The following AGMO variants were observed in gnomAD, a reference collection of about 807,000 sequenced individuals.
AGMO encodes the protein glyceryl-ether monooxygenase.
In AGMO, 75 loss-of-function variants were observed where a neutral mutation model predicts 60.2. The ratio of observed to expected loss-of-function variants is 1.25; its 90% CI spans 1.03 to 1.51. The LOEUF is 1.51. Ranked by LOEUF, AGMO falls within the 40% of genes most tolerant of loss-of-function variation. The probability of loss-of-function intolerance (pLI) is 0.00; values close to 1 mark genes in which losing one functional copy is unlikely to be tolerated. For missense variants in AGMO, 763 were observed against 525.5 expected (o/e 1.45, Z -4.42); for synonymous variants, 261 against 177.1 (o/e 1.47, Z -3.76).
intron 12 of AGMO, among the ~76,000 whole-genome samples, chr7:15,233,172 T>A (rs1476356883): frequency 6.6e-6 from 1 of 152,194 alleles, no homozygotes; most frequent in African/African-American, 2.4e-5. Context: ...TTAGTAGCCT[T>A]AAAAATCTAT....
At chr7:15,159,365 GAC>G in the AGMO span, among the ~76,000 whole-genome samples, 1 of 152,146 alleles carries the variant, frequency 6.6e-6, no homozygotes, top group Non-Finnish European at 1.5e-5. Context: ...AGTGGTAAAA[GAC>G]AGTGCAGAGA....
intron 3 of AGMO, among the ~76,000 whole-genome samples, chr7:15,516,810 A>G (rs1783818777): frequency 6.6e-6 from 1 of 151,476 alleles, no homozygotes; most frequent in African/African-American, 2.4e-5. Flanking sequence ...TCTGCAGGAT[A>G]TCGGTGAGTA....
At chr7:15,360,084 CATT>C (rs1453103998) in intron 12 of AGMO, among the ~76,000 whole-genome samples, 1 of 152,156 alleles carries the variant, frequency 6.6e-6, no homozygotes, top group African/African-American at 2.4e-5. Context: ...CATTTACAGA[CATT>C]ATTATAAGTA....
intron 3 of AGMO, among the ~76,000 whole-genome samples, chr7:15,539,456 G>A (rs771361304): frequency 7.5e-6 from 1 of 134,036 alleles, no homozygotes; most frequent in Admixed American, 8.4e-5. Context: ...CCATGTTGCT[G>A]CAAAGGACAT....
chr7:15,347,835 CTAAAT>C (rs1460777687), intron 12 of AGMO, among the ~76,000 whole-genome samples: 1 of 151,966 alleles, frequency 6.6e-6, no homozygotes, highest in Non-Finnish European at 1.5e-5. Context: ...TGATAAGGAA[CTAAAT>C]TAAATACAGT....
At chr7:15,212,320 G>C (rs1405160524) in intron 12 of AGMO, among the ~76,000 whole-genome samples, 1 of 150,430 alleles carries the variant, frequency 6.6e-6, no homozygotes, top group African/African-American at 2.4e-5. Flanking sequence ...AAGGTGAATG[G>C]TTGTATAAAA....
At chr7:15,146,256 T>C in the AGMO span, among the ~76,000 whole-genome samples, 2 of 152,296 alleles carry the variant, frequency 1.3e-5, no homozygotes, top group South Asian at 4.1e-4. Flanking sequence ...AAGGTTAATA[T>C]TTTCTTATTG....
At chr7:15,128,753 T>G in the AGMO span, among the ~76,000 whole-genome samples, 4 of 152,114 alleles carry the variant, frequency 2.6e-5, no homozygotes. Flanking sequence ...AAGTGTAATC[T>G]AAAATCTTAT....
chr7:15,451,000 A>G (rs1042229823), intron 3 of AGMO, among the ~76,000 whole-genome samples: 5 of 152,184 alleles, frequency 3.3e-5, no homozygotes, highest in Non-Finnish European at 7.3e-5. Flanking sequence ...ACATTGTTTT[A>G]TATCTGTGAA....
intron 12 of AGMO, among the ~76,000 whole-genome samples, chr7:15,315,328 CTTTTTTTTTTT>C (rs1178276622): frequency 0.032 from 1,530 of 48,212 alleles, 42 homozygotes; most frequent in African/African-American, 0.11. Flanking sequence ...TGGATATTTG[CTTTTTTTTTTT>C]TTTTTTTTTT....
rs149498195 is a variant in AGMO at position 15,348,812 on chromosome 7, A to G, written c.1263+16702T>C. 3.3e-3 allele frequency among the ~76,000 whole-genome samples: 500 copies of G among 152,258 alleles called. 2 individuals are homozygous for G. Among genetic ancestry groups the G allele is most frequent in the African/African-American group, 0.011 (459 of 41,574 alleles). On this transcript the variant is annotated intron_variant, in intron 12 of 12. Coordinates refer to ENST00000342526, the MANE Select transcript of AGMO (RefSeq NM_001004320.2). ...TGGTTTAACAGTAAATGAAAATCACATGCAAAAATTACCCATAGCCTTCAG... is the reference window on the plus strand; with the variant it reads ...TGGTTTAACAGTAAATGAAAATCACGTGCAAAAATTACCCATAGCCTTCAG...
chr7:15,255,534 C>CAAAAAAAAAAAAAAAAA (rs60035165), intron 12 of AGMO, among the ~76,000 whole-genome samples: 3 of 115,784 alleles, frequency 2.6e-5, no homozygotes, highest in African/African-American at 9.7e-5. Flanking sequence ...TGTAAGAATA[C>CAAAAAAAAAAAAAAAAA]AAAAAAAAAA....
the AGMO span, among the ~76,000 whole-genome samples, chr7:15,165,386 T>TA: frequency 1.3e-5 from 2 of 152,092 alleles, no homozygotes; most frequent in Admixed American, 1.3e-4. Flanking sequence ...CTATAAACAT[T>TA]AAAAAATTCT....
chr7:15,453,734 G>C (rs993848381), intron 3 of AGMO, among the ~76,000 whole-genome samples: 8 of 152,098 alleles, frequency 5.3e-5, no homozygotes, highest in African/African-American at 1.9e-4. Flanking sequence ...GAGCAGGTCA[G>C]CACAGGATAT....
At chr7:15,382,584 T>C (rs1198632447) in intron 10 of AGMO, among the ~76,000 whole-genome samples, 1 of 152,204 alleles carries the variant, frequency 6.6e-6, no homozygotes, top group African/African-American at 2.4e-5. Flanking sequence ...TTGAATTTGC[T>C]GCCTTTGGTC....
At chr7:15,346,489 A>G (rs952634455) in intron 12 of AGMO, among the ~76,000 whole-genome samples, 1 of 152,098 alleles carries the variant, frequency 6.6e-6, no homozygotes, top group Non-Finnish European at 1.5e-5. Flanking sequence ...TTTTTTCATT[A>G]GGATGTTTTT....
At chr7:15,514,493 A>G (rs1783757756) in intron 3 of AGMO, among the ~76,000 whole-genome samples, 1 of 152,186 alleles carries the variant, frequency 6.6e-6, no homozygotes, top group Non-Finnish European at 1.5e-5. Flanking sequence ...GTTACACAGA[A>G]AGTTGAGGCT....
At chr7:15,560,020 A>T in intron 2 of AGMO, 121 bp downstream of exon 2, 5 of 966,282 alleles carry the variant, frequency 5.2e-6, no homozygotes, top group Non-Finnish European at 7.3e-6. Context: ...AATGACATGA[A>T]CTGAATTTTT....
At chr7:15,426,377 A>T (rs550159183) in intron 4 of AGMO, among the ~76,000 whole-genome samples, 1 of 152,314 alleles carries the variant, frequency 6.6e-6, no homozygotes, top group South Asian at 2.1e-4. Flanking sequence ...CATAAATAAC[A>T]ATAATGAAAA....
Sources: allele counts gnomAD v4.1 joint callset (sites outside exome capture counted in the v4.1 genomes callset), GRCh38; gene constraint gnomAD v4.1.1; transcripts MANE v1.5; gene names NCBI Gene and HGNC (gene_info 2026-07-23, HGNC 2026-07-21).